TNPO3: variants seen among roughly 807,000 people sequenced by gnomAD.
The protein encoded by TNPO3 is transportin 3.
A neutral mutation model predicts 122.8 loss-of-function variants in TNPO3; 65 were observed. The observed-to-expected ratio is 0.53, with a 90% CI of 0.43 to 0.65. TNPO3 has a LOEUF of 0.65. Among genes scored for constraint, TNPO3 ranks in the 30% least tolerant of loss-of-function variants. The pLI, the probability that TNPO3 is intolerant of heterozygous loss-of-function variation, is 0.00. For missense variants in TNPO3, 850 were observed against 1,136.7 expected, an observed-to-expected ratio of 0.75 and a Z score of 3.63; for synonymous variants, 372 against 411.2, an observed-to-expected ratio of 0.90 and a Z score of 1.15.
At chr7:129,010,677 G>C (rs1001536167) in intron 4 of TNPO3, among the ~76,000 whole-genome samples, 2 of 152,088 alleles carry the variant, frequency 1.3e-5, no homozygotes, top group South Asian at 4.1e-4. Flanking sequence ...ACTAATAGAA[G>C]GTCAACTGAA....
intron 3 of TNPO3, among the ~76,000 whole-genome samples, chr7:129,016,409 T>C (rs1009338712): frequency 1.3e-5 from 2 of 151,980 alleles, no homozygotes; most frequent in East Asian, 3.9e-4. Context: ...TAAAATAAAA[T>C]AAATAATAAG....
intron 20 of TNPO3, 55 bp from the exon 21 acceptor site, chr7:128,967,447 A>T (rs1798032162): frequency 1.0e-5 from 12 of 1,157,932 alleles, no homozygotes; most frequent in Non-Finnish European, 1.6e-5. Context: ...TACTCACCTG[A>T]GACCCTACAG....
At position 128,979,070 on chromosome 7, in the gene TNPO3, A is replaced by T; in HGVS notation, c.1974T>A (p.Ile658=). Reference sequence around the variant, plus strand: ...GCAGGCACCTGCAACAACGCTCTACAATCCGATTATCAGCTCGGTGCTTAT... The same window carrying T: ...GCAGGCACCTGCAACAACGCTCTACTATCCGATTATCAGCTCGGTGCTTAT... The part of the protein sequence containing the change: ...TLNKHRADNR[I]VERCCRCLRF... The change falls in exon 16 of 23, where the codon ATT becomes ATA. Residue 658 remains isoleucine, a synonymous_variant. Coordinates refer to ENST00000265388, the MANE Select transcript of TNPO3 (RefSeq NM_012470.4). 6.2e-7 allele frequency: 1 copy of T among 1,614,248 alleles called. No homozygotes were observed. The highest frequency in any genetic ancestry group is 1.1e-5 in the South Asian group (1 of 91,090).
intron 4 of TNPO3, among the ~76,000 whole-genome samples, chr7:129,014,252 G>A (rs1385134816): frequency 6.6e-6 from 1 of 152,218 alleles, no homozygotes; most frequent in Non-Finnish European, 1.5e-5. Context: ...ACTGGGCACA[G>A]TGGCTCACGC....
chr7:128,993,876 A>G lies in TNPO3; in HGVS notation c.1197T>C (p.Phe399=), dbSNP rs1585340394. ...VPEETDDFGE[F]RMRVSDLVKD... ...TTACCAGGTCTGATACCCTCATGCG[A>G]AACTCCCCAAAGTCATCAGTCTCCT... The change falls in exon 9 of 23, where the codon TTT becomes TTC. Residue 399 remains phenylalanine (F), a synonymous_variant. Transcript: ENST00000265388. The G allele has an allele frequency of 6.2e-7, 1 of 1,614,124 alleles. No homozygotes were observed. The highest frequency in any genetic ancestry group is 8.5e-7 in the Non-Finnish European group (1 of 1,180,018).
At chr7:129,042,913 A>G (rs537764938) in intron 1 of TNPO3, among the ~76,000 whole-genome samples, 1 of 152,094 alleles carries the variant, frequency 6.6e-6, no homozygotes, top group Admixed American at 6.5e-5. Context: ...TAAATCTCCT[A>G]GCAAGCTCCC....
At chr7:129,011,198 G>A (rs561452525) in intron 4 of TNPO3, among the ~76,000 whole-genome samples, 1 of 152,176 alleles carries the variant, frequency 6.6e-6, no homozygotes, top group East Asian at 1.9e-4. Flanking sequence ...AAATCATAAA[G>A]GTAAGATAAT....
rs760795621 is a variant in TNPO3 at position 128,957,260 on chromosome 7, G to A, written c.2767C>T (p.Arg923Ter). The A allele has an allele frequency of 1.2e-6, 2 of 1,614,048 alleles. No individual in the cohort carries two copies. Among genetic ancestry groups the A allele is most frequent in the East Asian group, 2.2e-5 (1 of 44,890 alleles). Residue 923 changes from arginine (R) to a stop codon, truncating the protein, a stop_gained, in exon 22 of 23, where the codon CGA becomes TGA. Transcript: ENST00000265388. LOFTEE classifies it high-confidence loss of function. Reference sequence around the variant, plus strand: ...GCACAGTGCAGGAGTGTGAGCTATCGAAACAACCTGGTGAAGTCTCGCAAG... The same window carrying A: ...GCACAGTGCAGGAGTGTGAGCTATCAAAACAACCTGGTGAAGTCTCGCAAG... ...WALRDFTRLFR is the reference protein window; with the variant it reads ...WALRDFTRLF
At chr7:128,976,981 C>G (rs981322053) in intron 16 of TNPO3, among the ~76,000 whole-genome samples, 11 of 152,166 alleles carry the variant, frequency 7.2e-5, no homozygotes, top group Admixed American at 4.6e-4. Flanking sequence ...ACCATTCAGT[C>G]TTCTGCCCAC....
At chr7:128,981,058 A>C (rs1314475207) in intron 14 of TNPO3, among the ~76,000 whole-genome samples, 1 of 152,250 alleles carries the variant, frequency 6.6e-6, no homozygotes, top group Non-Finnish European at 1.5e-5. Context: ...CAACTTAATA[A>C]AAATTTAACT....
chr7:128,974,839 T>A (rs370222235), intron 18 of TNPO3, 29 bp downstream of exon 18: 12 of 1,578,898 alleles, frequency 7.6e-6, no homozygotes, highest in Non-Finnish European at 1.0e-5. Context: ...GATGAGCAAT[T>A]AAGAAATGGG....
chr7:129,054,882 G>C lies in TNPO3; in HGVS notation c.-112C>G. The stretch of plus-strand genomic sequence containing the variant: ...CTGGGCCACGGCCGCTCCCTGACTG[G>C]CGCCATCTCCTCCTCTTTGGCCGTT... On this transcript the variant is annotated 5_prime_UTR_variant, in exon 1 of 23. Transcript: ENST00000265388. 6.9e-7 allele frequency: 1 copy of C among 1,441,000 alleles called. No homozygotes were observed. 89.3% of individuals were successfully genotyped at this position (1,441,000 alleles called of 1,614,324 possible). A position where few individuals can be genotyped will look rare whatever the true frequency, so the allele number is the denominator to read the frequency against.
At chr7:128,999,674 G>A (rs1411378753) in intron 7 of TNPO3, among the ~76,000 whole-genome samples, 4 of 150,582 alleles carry the variant, frequency 2.7e-5, no homozygotes, top group Admixed American at 1.3e-4. Context: ...GCAGTGGCCC[G>A]ATCTCAGCTC....
chr7:128,994,488 G>T (rs993373116), intron 8 of TNPO3, among the ~76,000 whole-genome samples: 21 of 152,022 alleles, frequency 1.4e-4, no homozygotes, highest in African/African-American at 4.6e-4. Context: ...TTGTTTTGTT[G>T]TTGGAAAAAT....
intron 8 of TNPO3, among the ~76,000 whole-genome samples, chr7:128,994,627 C>G (rs750747701): frequency 6.6e-6 from 1 of 152,060 alleles, no homozygotes; most frequent in Non-Finnish European, 1.5e-5. Flanking sequence ...CCAAAATCAA[C>G]CACTGTCACA....
rs969795483 is a variant in TNPO3, at chr7:128,955,087, C to CT, written c.*329dup. 7 of 326,298 alleles carry CT rather than the reference C, an allele frequency of 2.1e-5. No homozygotes were observed. The highest frequency in any genetic ancestry group is 4.1e-5 in the Non-Finnish European group (7 of 168,872). 20.2% of individuals were successfully genotyped at this position (326,298 alleles called of 1,614,324 possible). On this transcript the variant is annotated 3_prime_UTR_variant, in exon 23 of 23. Transcript: ENST00000265388. ...CAGTTCTGGTTTCTGTTTAGTCTTC[C>CT]TTTTTTTTCTTTTTTCTTTACTTAA...
intron 1 of TNPO3, among the ~76,000 whole-genome samples, chr7:129,027,010 C>T (rs1435777070): frequency 1.3e-5 from 2 of 151,676 alleles, no homozygotes; most frequent in East Asian, 3.9e-4. Context: ...TGGTCTCAAA[C>T]TCCTGGGCTT....
rs889019082 is a variant in TNPO3, at chr7:129,040,115, C to T, written c.120+14536G>A. ...ACTAAAAATACAAAAATTAGCCGGG[C>T]GTGGTGGTGCACACTTGTAATCCCA... is the stretch of plus-strand genomic sequence containing the variant. On this transcript the variant is annotated intron_variant, in intron 1 of 22. Transcript: ENST00000265388. 3.9e-5 allele frequency among the ~76,000 whole-genome samples: 6 copies of T among 152,140 alleles called. No individual in the cohort carries two copies. In the South Asian group the frequency reaches 6.2e-4, roughly 16 times the overall value.
At chr7:128,987,407 T>A (rs1257311136) in intron 11 of TNPO3, among the ~76,000 whole-genome samples, 1 of 152,242 alleles carries the variant, frequency 6.6e-6, no homozygotes, top group Non-Finnish European at 1.5e-5. Context: ...AATAGGCAGA[T>A]GAATCTTTAG....
Sources: allele counts gnomAD v4.1 joint callset (sites outside exome capture counted in the v4.1 genomes callset), GRCh38; gene constraint gnomAD v4.1.1; transcripts MANE v1.5; gene names NCBI Gene and HGNC (gene_info 2026-07-23, HGNC 2026-07-21).